ARHGAP26: variants seen among roughly 807,000 people sequenced by gnomAD.
ARHGAP26 encodes the protein rho GTPase-activating protein 26.
Under a neutral mutation model 104.8 loss-of-function variants are expected in ARHGAP26, and 38 were observed. That is an observed-to-expected ratio of 0.36 (90% CI 0.28 to 0.48). The LOEUF (loss-of-function observed/expected upper bound fraction) is 0.48, where lower values mean the gene tolerates loss of function less well. Ranked by LOEUF, ARHGAP26 falls within the 20% of genes least tolerant of loss-of-function variation. The pLI is 0.99. For missense variants in ARHGAP26, 704 were observed against 947.9 expected, an observed-to-expected ratio of 0.74 and a Z score of 3.38; for synonymous variants, 341 against 340.0, an observed-to-expected ratio of 1.00 and a Z score of -0.03.
intron 1 of ARHGAP26, among the ~76,000 whole-genome samples, chr5:142,803,269 A>G (rs1762403597): frequency 6.6e-6 from 1 of 152,216 alleles, no homozygotes; most frequent in African/African-American, 2.4e-5. Flanking sequence ...ATATGTCCCA[A>G]TATAATTGTA....
At chr5:142,854,697 C>T (rs999975780) in intron 1 of ARHGAP26, among the ~76,000 whole-genome samples, 5 of 152,244 alleles carry the variant, frequency 3.3e-5, no homozygotes, top group African/African-American at 7.2e-5. Context: ...ACTTTAACTT[C>T]GTTACTGATA....
chr5:142,973,170 G>A (rs1772529199), intron 11 of ARHGAP26, among the ~76,000 whole-genome samples: 1 of 152,172 alleles, frequency 6.6e-6, no homozygotes, highest in African/African-American at 2.4e-5. Flanking sequence ...ACAGGTAAGG[G>A]TGTTTGTTGC....
intron 20 of ARHGAP26, among the ~76,000 whole-genome samples, chr5:143,159,505 A>T (rs1800928547): frequency 6.6e-6 from 1 of 152,212 alleles, no homozygotes; most frequent in Non-Finnish European, 1.5e-5. Flanking sequence ...GGGGGAAAAA[A>T]TGGTGCAGGA....
chr5:142,816,790 TA>T (rs1765221328), intron 1 of ARHGAP26, among the ~76,000 whole-genome samples: 1 of 152,036 alleles, frequency 6.6e-6, no homozygotes, highest in African/African-American at 2.4e-5. Flanking sequence ...GAGGAAAAGA[TA>T]GGGGGAAGGT....
At chr5:143,146,854 A>T (rs1470803384) in intron 19 of ARHGAP26, among the ~76,000 whole-genome samples, 5 of 152,206 alleles carry the variant, frequency 3.3e-5, no homozygotes, top group Non-Finnish European at 5.9e-5. Context: ...AGTGTCACAG[A>T]AGCCAAGGGG....
At chr5:142,852,599 C>T (rs1751706160) in intron 1 of ARHGAP26, among the ~76,000 whole-genome samples, 1 of 152,182 alleles carries the variant, frequency 6.6e-6, no homozygotes, top group African/African-American at 2.4e-5. Flanking sequence ...ATCTCACATG[C>T]ATTCTCGCAT....
intron 13 of ARHGAP26, among the ~76,000 whole-genome samples, chr5:143,040,203 C>T (rs755376564): frequency 6.6e-6 from 1 of 152,172 alleles, no homozygotes; most frequent in Non-Finnish European, 1.5e-5. Flanking sequence ...AACTTGGGAC[C>T]CATCACTTAG....
At chr5:142,966,693 C>A (rs1003753082) in intron 11 of ARHGAP26, among the ~76,000 whole-genome samples, 1 of 152,184 alleles carries the variant, frequency 6.6e-6, no homozygotes, top group African/African-American at 2.4e-5. Flanking sequence ...AGATTCTATA[C>A]AGGAAAATCG....
chr5:142,844,252 T>C (rs1334992660), intron 1 of ARHGAP26, among the ~76,000 whole-genome samples: 2 of 151,978 alleles, frequency 1.3e-5, no homozygotes, highest in Admixed American at 6.5e-5. Context: ...GGTTTCGCCA[T>C]ATCGACCAGG....
chr5:142,937,656 ATGGG>A (rs1255216737), intron 11 of ARHGAP26, among the ~76,000 whole-genome samples: 2 of 152,190 alleles, frequency 1.3e-5, no homozygotes, highest in African/African-American at 4.8e-5. Context: ...ATGTCCTTTA[ATGGG>A]TGAATGGTTA....
intron 11 of ARHGAP26, among the ~76,000 whole-genome samples, chr5:143,000,184 A>G (rs530836227): frequency 6.6e-6 from 1 of 152,254 alleles, no homozygotes; most frequent in Non-Finnish European, 1.5e-5. Flanking sequence ...GGGTGTAAGT[A>G]AAATGGCACA....
intron 17 of ARHGAP26, among the ~76,000 whole-genome samples, chr5:143,060,284 T>C (rs1465522501): frequency 6.6e-6 from 1 of 152,232 alleles, no homozygotes; most frequent in Non-Finnish European, 1.5e-5. Flanking sequence ...CTGTTTGCCT[T>C]GTGCATCTCA....
At chr5:142,902,108 T>C in intron 7 of ARHGAP26, 69 bp downstream of exon 7, 1 of 1,383,374 alleles carries the variant, frequency 7.2e-7, no homozygotes, top group Admixed American at 1.8e-5. Flanking sequence ...CTGATTGCCC[T>C]AGAAACCATC....
intron 20 of ARHGAP26, among the ~76,000 whole-genome samples, chr5:143,176,336 A>G (rs1330218835): frequency 6.6e-6 from 1 of 152,192 alleles, no homozygotes; most frequent in Non-Finnish European, 1.5e-5. Context: ...ACTGACGTTC[A>G]CTTCTTAGAT....
Position 142,894,419 on chromosome 5 carries a change from A to G in ARHGAP26, c.597+71A>G. ...CTCATTCTAACTAGTAGTAGATTAC[A>G]AAATGCTCTAAGTTGTTGATGAAGA... is the stretch of plus-strand genomic sequence containing the variant. On this transcript the variant is annotated intron_variant, in intron 6 of 22. Coordinates refer to ENST00000645722, the MANE Select transcript of ARHGAP26 (RefSeq NM_001135608.3). 2 of 1,393,694 alleles carry G rather than the reference A, an allele frequency of 1.4e-6. 1 individual carries two copies. Among genetic ancestry groups the G allele is most frequent in the Non-Finnish European group, 2.0e-6 (2 of 994,636 alleles). 86.3% of individuals were successfully genotyped at this position (1,393,694 alleles called of 1,614,324 possible).
At chr5:142,906,535 C>T (rs1048836769) in intron 8 of ARHGAP26, among the ~76,000 whole-genome samples, 7 of 152,138 alleles carry the variant, frequency 4.6e-5, no homozygotes, top group South Asian at 2.1e-4. Flanking sequence ...TCCATCCGTC[C>T]GTCCGTTATC....
At chr5:143,025,804 C>T (rs1469533288) in intron 12 of ARHGAP26, among the ~76,000 whole-genome samples, 2 of 152,136 alleles carry the variant, frequency 1.3e-5, no homozygotes, top group African/African-American at 4.8e-5. Flanking sequence ...CTGTCTTTTG[C>T]CAAGAATTGG....
At chr5:143,147,666 G>T (rs1799328436) in intron 20 of ARHGAP26, 1 of 363,332 alleles carries the variant, frequency 2.8e-6, no homozygotes, top group Non-Finnish European at 5.0e-6. Flanking sequence ...TGGCTGCTAG[G>T]CATGAAAAGC....
chr5:142,904,412 G>A (rs763236955), intron 8 of ARHGAP26, among the ~76,000 whole-genome samples: 6 of 152,052 alleles, frequency 3.9e-5, no homozygotes, highest in Non-Finnish European at 5.9e-5. Context: ...ATTGCTTACC[G>A]GAGTGAGCCT....
Sources: allele counts gnomAD v4.1 joint callset (sites outside exome capture counted in the v4.1 genomes callset), GRCh38; gene constraint gnomAD v4.1.1; transcripts MANE v1.5; gene names NCBI Gene and HGNC (gene_info 2026-07-23, HGNC 2026-07-21).